Variants in PLEKHG5 observed in about 807,000 individuals in gnomAD.
PLEKHG5 encodes pleckstrin homology and RhoGEF domain containing G5.
Under a neutral mutation model 103.8 loss-of-function variants are expected in PLEKHG5, and 52 were observed. That is an observed-to-expected ratio of 0.50 (90% CI 0.40 to 0.63). The LOEUF (loss-of-function observed/expected upper bound fraction) is 0.63, where lower values mean the gene tolerates loss of function less well. Ranked by LOEUF, PLEKHG5 falls within the 30% of genes least tolerant of loss-of-function variation. PLEKHG5 has a pLI of 0.00. For synonymous variants in PLEKHG5, 592 were observed against 575.5 expected (o/e 1.03, Z -0.41); for missense variants, 1,205 against 1,347.6 (o/e 0.89, Z 1.66).
At chr1:6,496,257 GGGGTA>G (rs1469488543), upstream of PLEKHG5, among the ~76,000 whole-genome samples, 1 of 152,238 alleles carries the variant, frequency 6.6e-6, no homozygotes, top group Non-Finnish European at 1.5e-5. Context: ...AAAGGGCTTT[GGGGTA>G]CTCCACCCCC....
rs1197411023 is a variant in PLEKHG5, at chr1:6,470,546, G to C, written c.1640C>G (p.Ala547Gly). ...RLAAVVSRID[A>G]YEVVESSSDE... ...GCTGCTGCTTTCCACCACCTCGTAG[G>C]CGTCGATGCGGCTCACCACGGCCGC... The change falls in exon 15 of 21, where the codon GCC (alanine) becomes GGC (glycine). Residue 547 changes from alanine (A) to glycine (G), a missense_variant. Physicochemically the swap from Ala to Gly is moderately conservative, Grantham distance 60. Transcript: ENST00000377728. 6.2e-7 allele frequency: 1 copy of C among 1,605,702 alleles called. No individual in the cohort carries two copies. The highest frequency in any genetic ancestry group is 8.5e-7 in the Non-Finnish European group (1 of 1,179,642).
Position 6,501,720 on chromosome 1 carries a change from C to T in PLEKHG5, c.-164-5151G>A, listed in dbSNP as rs1029802347. On this transcript the variant is annotated intron_variant, in intron 1 of 21. Coordinates refer to the PLEKHG5 transcript ENST00000377740. This position sits in a 1 kb window ranked among gnomAD's most constrained non-coding sequence, Gnocchi z 4.3. ...GCTGTGAGTGTGTAAGCCTCCAAGC[C>T]TGTGCTCCTAACCGCCAGGCTACAG... Among the ~76,000 whole-genome samples, 1 of 152,182 alleles carries T rather than the reference C, an allele frequency of 6.6e-6. No homozygotes were observed. The highest frequency in any genetic ancestry group is 1.5e-5 in the Non-Finnish European group (1 of 68,026).
At chr1:6,508,188 C>G (rs944433223) in intron 1 of PLEKHG5, among the ~76,000 whole-genome samples, 4 of 131,920 alleles carry the variant, frequency 3.0e-5, no homozygotes, top group South Asian at 2.5e-4. Flanking sequence ...TCACCTGGGG[C>G]CCCACTCCCA....
intron 1 of PLEKHG5, among the ~76,000 whole-genome samples, chr1:6,509,457 C>T (rs1050370317): frequency 2.6e-5 from 4 of 152,186 alleles, no homozygotes; most frequent in African/African-American, 7.2e-5. Flanking sequence ...CAGGGTCCAC[C>T]CCCGCAAGGT....
At chr1:6,468,737 T>G (rs942355632) in intron 19 of PLEKHG5, 151 bp from the exon 20 acceptor site, 6 of 828,164 alleles carry the variant, frequency 7.2e-6, no homozygotes, top group Non-Finnish European at 1.2e-5. Flanking sequence ...TGGCAGATCT[T>G]CCAGCTCCAG....
rs61737997 is a variant in PLEKHG5, at chr1:6,468,260, C to T, written c.2576G>A (p.Arg859His). ...CAACAGCTGGACAGGGGTGCGGCGGCGGAGACGGGGCGAGGGTGGAGGGGA... is the reference window on the plus strand; with the variant it reads ...CAACAGCTGGACAGGGGTGCGGCGGTGGAGACGGGGCGAGGGTGGAGGGGA... ...VPSPPPSPRL[R>H]RRTPVQLLSC... Residue 859 changes from arginine to histidine, a missense_variant, in exon 20 of 21, where the codon CGC becomes CAC. By Grantham distance (29) the Arg-to-His change is conservative. Coordinates refer to ENST00000377728, the MANE Select transcript of PLEKHG5 (RefSeq NM_020631.6). 7,480 of 1,603,952 alleles carry T rather than the reference C, an allele frequency of 4.7e-3. 292 individuals carry two copies. In the African/African-American group the frequency reaches 0.083, roughly 18 times the overall value.
chr1:6,484,925 C>T (rs898992038), intron 1 of PLEKHG5, among the ~76,000 whole-genome samples: 1 of 152,192 alleles, frequency 6.6e-6, no homozygotes, highest in African/African-American at 2.4e-5. Flanking sequence ...CGTCCACCCT[C>T]ACACAAGGGC....
At chr1:6,470,392 G>A (rs1644530249) in intron 15 of PLEKHG5, 37 bp from the exon 16 acceptor site, 2 of 1,613,242 alleles carry the variant, frequency 1.2e-6, no homozygotes. Context: ...GGAGGCCAGA[G>A]ACTGACTCCC....
Position 6,476,031 on chromosome 1 carries a change from CAG to C in PLEKHG5, c.47_48del (p.Ser16CysfsTer55). ...HVRFDLPPQG[S>X]VLARNVSTRS... Reference sequence around the variant, plus strand: ...CGGGTGGACACGTTCCGGGCCAGCACAGAGCCTTGGGAGAAAGCAGGAGAGGG... The same window carrying C: ...CGGGTGGACACGTTCCGGGCCAGCACAGCCTTGGGAGAAAGCAGGAGAGGG... On this transcript the variant is annotated frameshift_variant, in exon 3 of 21. Coordinates refer to ENST00000377728, the MANE Select transcript of PLEKHG5 (RefSeq NM_020631.6). LOFTEE classifies it high-confidence loss of function. The C allele has an allele frequency of 6.2e-7, 1 of 1,613,146 alleles. No individual in the cohort carries two copies.
chr1:6,497,154 G>T, upstream of PLEKHG5: 1 of 975,128 alleles, frequency 1.0e-6, no homozygotes, highest in South Asian at 1.4e-5. This position sits in a 1 kb window ranked among gnomAD's most constrained non-coding sequence, Gnocchi z 6.1. Context: ...GCGGGGTGCT[G>T]CCGAGGCAGG....
chr1:6,475,555 G>T (rs1048158173), intron 3 of PLEKHG5, 33 bp from the exon 4 acceptor site: 4 of 1,595,990 alleles, frequency 2.5e-6, no homozygotes, highest in Non-Finnish European at 3.4e-6. Flanking sequence ...GAGGCTGGAG[G>T]TGTGGGTGGC....
At chr1:6,467,728 C>T (rs1197713520) in intron 20 of PLEKHG5, 97 bp downstream of exon 20, 27 of 1,522,764 alleles carry the variant, frequency 1.8e-5, no homozygotes, top group East Asian at 1.6e-4. Flanking sequence ...AGGCTCCCTC[C>T]GCCATGACCC....
intron 16 of PLEKHG5, 48 bp from the exon 17 acceptor site, chr1:6,469,724 G>GC: frequency 6.3e-7 from 1 of 1,593,608 alleles, no homozygotes; most frequent in Non-Finnish European, 8.6e-7. Context: ...CAGGGTCAGG[G>GC]CCAGGGACTG....
At position 6,468,484 on chromosome 1, in the gene PLEKHG5, A is replaced by C. The variant is rs2148576624; in HGVS notation, c.2352T>G (p.Ser784=). 1.2e-6 allele frequency: 2 copies of C among 1,613,096 alleles called. No homozygotes were observed. The highest frequency in any genetic ancestry group is 1.7e-6 in the Non-Finnish European group (2 of 1,179,960). Reference sequence around the variant, plus strand: ...CAGTGGTGCTGAGAGAGGTCTCATCAGACTGGGAGCTGAAAGGACCGCTGT... The same window carrying C: ...CAGTGGTGCTGAGAGAGGTCTCATCCGACTGGGAGCTGAAAGGACCGCTGT... ...EFDSGPFSSQ[S]DETSLSTTAS... The change falls in exon 20 of 21, where the codon TCT becomes TCG. Residue 784 remains serine, a synonymous_variant. Coordinates refer to ENST00000377728, the MANE Select transcript of PLEKHG5 (RefSeq NM_020631.6).
intron 1 of PLEKHG5, among the ~76,000 whole-genome samples, chr1:6,502,728 C>T (rs1020753066): frequency 6.6e-6 from 1 of 152,232 alleles, no homozygotes; most frequent in Non-Finnish European, 1.5e-5. Flanking sequence ...AGTCCCACCC[C>T]CATCACAGGC....
chr1:6,478,106 G>A lies in PLEKHG5; in HGVS notation c.-87-448C>T, dbSNP rs561543956. 5.9e-5 allele frequency among the ~76,000 whole-genome samples: 9 copies of A among 151,966 alleles called. No homozygotes were observed. The South Asian group carries it at 1.2e-3, about 21-fold the overall frequency. On this transcript the variant is annotated intron_variant, in intron 1 of 20. Transcript: ENST00000377728. ...TCACTGTGTTGGCCAGACTGGTCTC[G>A]AATTCCTGACCTCGTGAACAGCCCG...
intron 1 of PLEKHG5, among the ~76,000 whole-genome samples, chr1:6,516,870 A>G (rs185749971): frequency 0.8 from 106,224 of 133,350 alleles, 42,777 homozygotes; most frequent in Non-Finnish European, 0.88. Context: ...ATATGTGTAT[A>G]TATATATATA....
At chr1:6,472,931 G>A (rs779795641) in intron 9 of PLEKHG5, 55 bp downstream of exon 9, 127 of 1,548,602 alleles carry the variant, frequency 8.2e-5, no homozygotes, top group Non-Finnish European at 9.7e-5. Flanking sequence ...GGGTCCTCCC[G>A]AGGGCTGTCC....
intron 1 of PLEKHG5, among the ~76,000 whole-genome samples, chr1:6,512,902 G>T (rs1557773134): frequency 6.6e-6 from 1 of 152,118 alleles, no homozygotes; most frequent in African/African-American, 2.4e-5. Flanking sequence ...GGCCATGGGG[G>T]GGTGAATAAA....
Sources: allele counts gnomAD v4.1 joint callset (sites outside exome capture counted in the v4.1 genomes callset), GRCh38; gene constraint gnomAD v4.1.1; non-coding constraint Gnocchi (gnomAD v3.1); transcripts MANE v1.5; gene names NCBI Gene and HGNC (gene_info 2026-07-23, HGNC 2026-07-21).